Variants in ATP10A observed in about 807,000 individuals in gnomAD.
The protein encoded by ATP10A is phospholipid-transporting ATPase VA.
A neutral mutation model predicts 147.8 loss-of-function variants in ATP10A; 111 were observed. The ratio of observed to expected loss-of-function variants is 0.75; its 90% CI spans 0.64 to 0.88. The LOEUF (loss-of-function observed/expected upper bound fraction) is 0.88, where lower values mean the gene tolerates loss of function less well. Among genes scored for constraint, ATP10A ranks in the 40% least tolerant of loss-of-function variants. The pLI, the probability that ATP10A is intolerant of heterozygous loss-of-function variation, is 0.00. For synonymous variants in ATP10A, 875 were observed against 841.6 expected, an observed-to-expected ratio of 1.04 and a Z score of -0.69; for missense variants, 1,927 against 1,959.0, an observed-to-expected ratio of 0.98 and a Z score of 0.31.
intron 1 of ATP10A, among the ~76,000 whole-genome samples, chr15:25,833,310 G>A (rs1892443678): frequency 1.3e-5 from 2 of 151,716 alleles, no homozygotes; most frequent in Non-Finnish European, 2.9e-5. Context: ...ATCTTTAATT[G>A]AAAGAATAAA....
At chr15:25,676,385 T>C (rs1011189078), downstream of ATP10A, among the ~76,000 whole-genome samples, 1 of 152,218 alleles carries the variant, frequency 6.6e-6, no homozygotes, top group African/African-American at 2.4e-5. Context: ...GCCACTTCCA[T>C]GTGCAGGGGA....
intron 10 of ATP10A, among the ~76,000 whole-genome samples, chr15:25,712,027 A>G (rs932475820): frequency 9.2e-5 from 14 of 152,214 alleles, no homozygotes; most frequent in Non-Finnish European, 1.5e-4. Flanking sequence ...CTGCTAGTGA[A>G]CAGGCAGGGG....
At chr15:25,759,324 A>G (rs1888627031) in intron 2 of ATP10A, among the ~76,000 whole-genome samples, 1 of 152,248 alleles carries the variant, frequency 6.6e-6, no homozygotes, top group African/African-American at 2.4e-5. Context: ...GGAAGGTTTA[A>G]GCAAGATGTA....
downstream of ATP10A, among the ~76,000 whole-genome samples, chr15:25,676,451 G>A (rs550532045): frequency 6.6e-6 from 1 of 152,168 alleles, no homozygotes; most frequent in Non-Finnish European, 1.5e-5. Context: ...CTTACAGCTG[G>A]GGCCTGCATT....
intron 8 of ATP10A, among the ~76,000 whole-genome samples, chr15:25,717,376 T>G (rs1356341235): frequency 6.6e-6 from 1 of 152,238 alleles, no homozygotes; most frequent in Non-Finnish European, 1.5e-5. Context: ...TGATGTAAAT[T>G]ACACATTGAT....
chr15:25,777,652 G>A (rs544554649), intron 2 of ATP10A, among the ~76,000 whole-genome samples: 1 of 152,036 alleles, frequency 6.6e-6, no homozygotes, highest in East Asian at 1.9e-4. Flanking sequence ...CCAGGCTGGA[G>A]TGCAGTGGCA....
chr15:25,737,702 G>A (rs938716982), intron 2 of ATP10A, among the ~76,000 whole-genome samples: 3 of 152,130 alleles, frequency 2.0e-5, no homozygotes, highest in South Asian at 2.1e-4. Context: ...CTCATATATT[G>A]AAGTCCTAAC....
chr15:25,785,622 T>C (rs973330020), intron 1 of ATP10A, among the ~76,000 whole-genome samples: 2 of 152,142 alleles, frequency 1.3e-5, no homozygotes, highest in Non-Finnish European at 2.9e-5. Flanking sequence ...CACCCTGCAA[T>C]TTATCCCCAT....
At chr15:25,840,454 G>A (rs1892765773) in intron 1 of ATP10A, among the ~76,000 whole-genome samples, 1 of 151,938 alleles carries the variant, frequency 6.6e-6, no homozygotes, top group African/African-American at 2.4e-5. Flanking sequence ...TCTCCCTGAG[G>A]CCCATGCAAG....
chr15:25,777,645 G>A (rs1889679320), intron 2 of ATP10A, among the ~76,000 whole-genome samples: 1 of 152,082 alleles, frequency 6.6e-6, no homozygotes, highest in Non-Finnish European at 1.5e-5. Flanking sequence ...CTGTCCCCCA[G>A]GCTGGAGTGC....
At chr15:25,780,072 C>A (rs189037536) in intron 2 of ATP10A, among the ~76,000 whole-genome samples, 1 of 152,344 alleles carries the variant, frequency 6.6e-6, no homozygotes, top group Non-Finnish European at 1.5e-5. Context: ...CCCCCACAAC[C>A]CTGCCCAGCC....
Position 25,687,913 on chromosome 15 carries a change from A to G in ATP10A, c.3166-85T>C, listed in dbSNP as rs779166678. ...CTCTTCTCAAAATGCAAGGTACACAACAGGGAAGGAAAATCCCCATTCTGA... is the reference window on the plus strand; with the variant it reads ...CTCTTCTCAAAATGCAAGGTACACAGCAGGGAAGGAAAATCCCCATTCTGA... On this transcript the variant is annotated intron_variant, in intron 15 of 20. Transcript: ENST00000555815. The G allele has an allele frequency of 2.5e-6, 4 of 1,582,848 alleles. No individual in the cohort carries two copies. The Admixed American group carries it at 6.7e-5, about 26-fold the overall frequency.
At chr15:25,692,768 T>G (rs1169278011) in intron 14 of ATP10A, among the ~76,000 whole-genome samples, 3 of 152,118 alleles carry the variant, frequency 2.0e-5, no homozygotes, top group African/African-American at 4.8e-5. Context: ...TAGGAGTAGG[T>G]CACATTGATG....
At chr15:25,837,826 C>A (rs759677839) in intron 1 of ATP10A, among the ~76,000 whole-genome samples, 1 of 152,172 alleles carries the variant, frequency 6.6e-6, no homozygotes, top group Non-Finnish European at 1.5e-5. Context: ...TGCTCAGGAG[C>A]ACGTGGCAGG....
chr15:25,733,460 G>A (rs1303124687), intron 3 of ATP10A, among the ~76,000 whole-genome samples: 1 of 152,176 alleles, frequency 6.6e-6, no homozygotes, highest in East Asian at 1.9e-4. Context: ...CTGCGAGGCT[G>A]CCCCAGTCCC....
At chr15:25,723,805 T>C in intron 6 of ATP10A, 86 bp downstream of exon 6, 4 of 1,250,596 alleles carry the variant, frequency 3.2e-6, no homozygotes, top group Non-Finnish European at 4.2e-6. Context: ...ATGCAGAATT[T>C]ATAGGAAATT....
chr15:25,864,755 G>C (rs867698047), upstream of ATP10A, among the ~76,000 whole-genome samples: 1 of 152,150 alleles, frequency 6.6e-6, no homozygotes, highest in Non-Finnish European at 1.5e-5. Context: ...AAACCCAAAC[G>C]GAGCATCAAC....
At chr15:25,692,869 T>C (rs1192969708) in intron 14 of ATP10A, among the ~76,000 whole-genome samples, 2 of 152,124 alleles carry the variant, frequency 1.3e-5, no homozygotes, top group Admixed American at 6.5e-5. Flanking sequence ...GGCATGATCA[T>C]GGCTCACTGC....
At chr15:25,734,900 G>T (rs181530696) in intron 3 of ATP10A, among the ~76,000 whole-genome samples, 4 of 152,112 alleles carry the variant, frequency 2.6e-5, no homozygotes, top group Admixed American at 2.6e-4. Context: ...TGCTGGAGGT[G>T]CTGGCAAAAC....
Sources: gnomAD v4.1 joint callset for allele counts (sites outside exome capture counted in the v4.1 genomes callset) on GRCh38, gnomAD v4.1.1 for gene constraint, MANE v1.5 for transcripts, NCBI Gene and HGNC (gene_info 2026-07-23, HGNC 2026-07-21) for gene names.